Variants in SH3BP2 observed in about 807,000 individuals in gnomAD.
SH3BP2 encodes the protein SH3 domain-binding protein 2.
Under a neutral mutation model 56.2 loss-of-function variants are expected in SH3BP2, and 38 were observed. That is an observed-to-expected ratio of 0.68 (90% confidence interval 0.52 to 0.89). SH3BP2 has a LOEUF of 0.89. Among genes scored for constraint, SH3BP2 ranks in the 40% least tolerant of loss-of-function variants. The probability of loss-of-function intolerance (pLI) is 0.00; values close to 1 mark genes in which losing one functional copy is unlikely to be tolerated. For missense variants in SH3BP2, 748 were observed against 762.6 expected (o/e 0.98, Z 0.23); for synonymous variants, 346 against 316.7 (o/e 1.09, Z -0.98).
Position 2,829,996 on chromosome 4 carries a change from G to A in SH3BP2, c.1090G>A (p.Glu364Lys). 1 of 1,613,200 alleles carries A rather than the reference G, an allele frequency of 6.2e-7. No homozygotes were observed. The highest frequency in any genetic ancestry group is 1.1e-5 in the South Asian group (1 of 91,090). The change falls in exon 8 of 13, where the codon GAA (glutamate) becomes AAA (lysine). Residue 364 changes from glutamate to lysine, a missense_variant. Coordinates refer to ENST00000503393, the MANE Select transcript of SH3BP2 (RefSeq NM_001122681.2). This position sits in a 1 kb window ranked among gnomAD's most constrained non-coding sequence, Gnocchi z 4.9. Reference protein sequence around the residue: ...ANKPKFLKIAEEDPPREAAMP... With the variant: ...ANKPKFLKIAKEDPPREAAMP... ...CAAGCCCAAGTTCCTGAAGATAGCT[G>A]AAGAGGACCCCCCAAGGGAGGCAGC... is the stretch of plus-strand genomic sequence containing the variant.
chr4:2,818,843 G>T, intron 1 of SH3BP2: 1 of 986,124 alleles, frequency 1.0e-6, no homozygotes, highest in Non-Finnish European at 1.2e-6. Context: ...GAGGCCGGCA[G>T]AAGACAGCCT....
At chr4:2,818,869 TC>T in intron 1 of SH3BP2, 15 of 985,744 alleles carry the variant, frequency 1.5e-5, no homozygotes, top group Non-Finnish European at 1.8e-5. Flanking sequence ...CTTGAAGACT[TC>T]CTCTTGCACT....
At chr4:2,819,427 G>A (rs1406349322) in intron 1 of SH3BP2, among the ~76,000 whole-genome samples, 2 of 152,148 alleles carry the variant, frequency 1.3e-5, no homozygotes, top group Non-Finnish European at 2.9e-5. Flanking sequence ...GTCTTGCTAT[G>A]TTGCCCTGGC....
At chr4:2,825,417 GCACA>G (rs146926935) in intron 5 of SH3BP2, among the ~76,000 whole-genome samples, 18,648 of 151,938 alleles carry the variant, frequency 0.12, 1,796 homozygotes, top group African/African-American at 0.26. Context: ...ACGCGGACAC[GCACA>G]CACAAACACA....
intron 1 of SH3BP2, among the ~76,000 whole-genome samples, chr4:2,799,507 TG>T (rs1172029611): frequency 6.6e-6 from 1 of 152,148 alleles, no homozygotes; most frequent in African/African-American, 2.4e-5. Context: ...TGCCTGCCTC[TG>T]GGGCAGGAAG....
chr4:2,801,938 GC>G (rs1232184981), intron 1 of SH3BP2, among the ~76,000 whole-genome samples: 19 of 150,744 alleles, frequency 1.3e-4, no homozygotes, highest in Admixed American at 1.1e-3. Context: ...TGAAACCCCG[GC>G]TCTACTAAAA....
intron 3 of SH3BP2, chr4:2,823,471 C>T (rs1299347333): frequency 2.2e-6 from 1 of 458,052 alleles, no homozygotes; most frequent in South Asian, 1.5e-5. Flanking sequence ...CCAGGGTCCT[C>T]CCAGGCCGGG....
At chr4:2,832,763 G>A (rs1216673837) in intron 11 of SH3BP2, among the ~76,000 whole-genome samples, 8 of 152,172 alleles carry the variant, frequency 5.3e-5, no homozygotes, top group South Asian at 4.1e-4. Context: ...CGGGTGTGTC[G>A]GAGTGGTTAT....
intron 7 of SH3BP2, among the ~76,000 whole-genome samples, chr4:2,828,732 C>A (rs1006269926): frequency 1.3e-5 from 2 of 152,228 alleles, no homozygotes; most frequent in African/African-American, 2.4e-5. Flanking sequence ...CTCTGTACCC[C>A]CTTCATCCTC....
At chr4:2,833,235 GC>G (rs1424457560) in intron 12 of SH3BP2, 186 bp downstream of exon 12, 24 of 665,252 alleles carry the variant, frequency 3.6e-5, no homozygotes, top group Non-Finnish European at 5.4e-5. Context: ...TCCTCTCGTG[GC>G]CTACCTTTGT....
chr4:2,814,219 G>A (rs1314624231), intron 1 of SH3BP2, among the ~76,000 whole-genome samples: 2 of 152,330 alleles, frequency 1.3e-5, no homozygotes, highest in East Asian at 1.9e-4. Flanking sequence ...GAGACACAGC[G>A]CACATGAGGG....
intron 1 of SH3BP2, among the ~76,000 whole-genome samples, chr4:2,807,262 T>C (rs933936208): frequency 2.6e-5 from 4 of 152,216 alleles, no homozygotes; most frequent in East Asian, 3.8e-4. Context: ...ACCTCTCTCA[T>C]TGAGAGTCCA....
At chr4:2,827,339 C>T (rs1192834283) in intron 6 of SH3BP2, 21 bp downstream of exon 6, 9 of 1,606,948 alleles carry the variant, frequency 5.6e-6, no homozygotes, top group South Asian at 1.1e-5. Flanking sequence ...TCTCCGCATC[C>T]ACTGCCCGTT....
At chr4:2,803,947 C>T (rs1157722311) in intron 1 of SH3BP2, among the ~76,000 whole-genome samples, 3 of 152,068 alleles carry the variant, frequency 2.0e-5, no homozygotes, top group African/African-American at 4.8e-5. Context: ...CAGGGTGTGG[C>T]GTTTGCCTGT....
chr4:2,813,035 C>T (rs1389090099), intron 1 of SH3BP2, among the ~76,000 whole-genome samples: 1 of 152,210 alleles, frequency 6.6e-6, no homozygotes, highest in Non-Finnish European at 1.5e-5. Flanking sequence ...GCCACCCTGC[C>T]CCTGGCCAGC....
intron 10 of SH3BP2, 49 bp downstream of exon 10, chr4:2,832,027 C>T (rs1725017289): frequency 6.3e-7 from 1 of 1,586,850 alleles, no homozygotes. Context: ...TGCCCGGCTT[C>T]CTGCTTCTGT....
chr4:2,799,414 G>A (rs1304584929), intron 1 of SH3BP2: 1 of 427,026 alleles, frequency 2.3e-6, no homozygotes, highest in Non-Finnish European at 3.1e-6. Flanking sequence ...TTTGCTACTT[G>A]GGGCAGGGGC....
chr4:2,831,022 C>T lies in SH3BP2; in HGVS notation c.1242-549C>T, dbSNP rs924822953. Among the ~76,000 whole-genome samples, 2 of 152,252 alleles carry T rather than the reference C, an allele frequency of 1.3e-5. No homozygotes were observed. The highest frequency in any genetic ancestry group is 2.4e-5 in the African/African-American group (1 of 41,470). On this transcript the variant is annotated intron_variant, in intron 8 of 12. Transcript: ENST00000503393. This position sits in a 1 kb window ranked among gnomAD's most constrained non-coding sequence, Gnocchi z 4.1. The stretch of plus-strand genomic sequence containing the variant: ...GTTCGGAAGTCACGTTTTTCCATGA[C>T]TGTGGGGATAGCGGTTCCAGGGCTC...
chr4:2,818,660 T>C (rs179585), intron 1 of SH3BP2: 157,007 of 972,216 alleles, frequency 0.16, 17,224 homozygotes, highest in African/African-American at 0.53. Context: ...GCGGGGCTCC[T>C]TCGGGCCGGG....
Sources: gnomAD v4.1 joint callset for allele counts (sites outside exome capture counted in the v4.1 genomes callset) on GRCh38, gnomAD v4.1.1 for gene constraint, Gnocchi (gnomAD v3.1) non-coding constraint, MANE v1.5 for transcripts, NCBI Gene and HGNC (gene_info 2026-07-23, HGNC 2026-07-21) for gene names.